The following PPM1D variants were observed in gnomAD, a reference collection of about 807,000 sequenced individuals.
The protein encoded by PPM1D is protein phosphatase, Mg2+/Mn2+ dependent 1D.
A neutral mutation model predicts 58.3 loss-of-function variants in PPM1D; 52 were observed. The ratio of observed to expected loss-of-function variants is 0.89; its 90% CI spans 0.71 to 1.12. PPM1D has a LOEUF of 1.12. Ranked by LOEUF, PPM1D falls within the 50% of genes most tolerant of loss-of-function variation. The probability of loss-of-function intolerance (pLI) is 0.00; values close to 1 mark genes in which losing one functional copy is unlikely to be tolerated. For missense variants in PPM1D, 564 were observed against 777.2 expected, an observed-to-expected ratio of 0.73 and a Z score of 3.26; for synonymous variants, 278 against 285.1, an observed-to-expected ratio of 0.98 and a Z score of 0.25.
At chr17:60,658,838 T>G (rs910495849) in intron 5 of PPM1D, among the ~76,000 whole-genome samples, 3 of 152,082 alleles carry the variant, frequency 2.0e-5, no homozygotes, top group Admixed American at 6.6e-5. Flanking sequence ...GGCTCGTGCC[T>G]GTAATCCCAG....
chr17:60,647,003 T>G (rs185498676), intron 3 of PPM1D, among the ~76,000 whole-genome samples: 120 of 152,346 alleles, frequency 7.9e-4, no homozygotes, highest in African/African-American at 2.5e-3. Context: ...AACAGGAAGT[T>G]TGCAAACAGC....
At position 60,665,196 on chromosome 17, in the gene PPM1D, C is replaced by T. The variant is rs1210170510; in HGVS notation, c.*1644C>T. On this transcript the variant is annotated 3_prime_UTR_variant, in exon 6 of 6. Coordinates refer to ENST00000305921, the MANE Select transcript of PPM1D (RefSeq NM_003620.4). ...ATGTCAGTCATGCTGGTCTTGATCTCCTGACCTCGTGATCCACCCGCCTCG... is the reference window on the plus strand; with the variant it reads ...ATGTCAGTCATGCTGGTCTTGATCTTCTGACCTCGTGATCCACCCGCCTCG... The T allele has an allele frequency of 6.6e-6, 1 of 151,996 alleles. No individual in the cohort carries two copies. The highest frequency in any genetic ancestry group is 1.5e-5 in the Non-Finnish European group (1 of 68,016). The allele number at this position is 151,996 out of a possible 1,614,324, so 9.4% of individuals were successfully genotyped here.
At chr17:60,643,050 CAAAAGA>C (rs1320102730) in intron 3 of PPM1D, among the ~76,000 whole-genome samples, 9 of 98,534 alleles carry the variant, frequency 9.1e-5, no homozygotes, top group African/African-American at 4.0e-4. Context: ...GACTCCGTCT[CAAAAGA>C]AAAAAAAAAA....
chr17:60,610,560 G>T (rs2030434368), intron 1 of PPM1D, among the ~76,000 whole-genome samples: 1 of 152,128 alleles, frequency 6.6e-6, no homozygotes, highest in Admixed American at 6.5e-5. Context: ...GAGAGCCCAG[G>T]TTTGGCAAAG....
In PPM1D at chr17:60,648,078, T is replaced by C; in HGVS notation, c.1013T>C (p.Leu338Pro). The change falls in exon 4 of 6, where the codon CTG (leucine) becomes CCG (proline). Residue 338 changes from leucine to proline, a missense_variant. By Grantham distance (98) the Leu-to-Pro change is moderately conservative. Around this residue, in one of 7 missense-constraint regions of PPM1D, gnomAD observed 34 missense variants for 34.3 expected, o/e 0.99. Coordinates refer to ENST00000305921, the MANE Select transcript of PPM1D (RefSeq NM_003620.4). ...MCQDQEEKKY[L>P]MGEHGQSCAK... is the part of the protein sequence containing the mutation. ...CAGGACCAAGAGGAGAAAAAATACC[T>C]GATGGTGAGATGTGATTGAATAACT... 1 of 1,606,548 alleles carries C rather than the reference T, an allele frequency of 6.2e-7. No homozygotes were observed. The highest frequency in any genetic ancestry group is 1.1e-5 in the South Asian group (1 of 89,666).
rs1296018768 is a variant in PPM1D, at chr17:60,663,160, G to T, written c.1426G>T (p.Glu476Ter). 2 of 1,614,066 alleles carry T rather than the reference G, an allele frequency of 1.2e-6. No homozygotes were observed. The highest frequency in any genetic ancestry group is 8.5e-7 in the Non-Finnish European group (1 of 1,180,018). ...IPSKDPEPLE[E>*]NCAKALTLRI... ...CTCAAAAGATCCAGAACCACTTGAAGAAAATTGCGCTAAAGCCCTGACTTT... is the reference window on the plus strand; with the variant it reads ...CTCAAAAGATCCAGAACCACTTGAATAAAATTGCGCTAAAGCCCTGACTTT... Residue 476 changes from glutamate (E) to a stop codon, truncating the protein, a stop_gained, in exon 6 of 6, where the codon GAA becomes TAA. Transcript: ENST00000305921. LOFTEE classifies it high-confidence loss of function.
At chr17:60,645,744 A>G (rs1450886920) in intron 3 of PPM1D, among the ~76,000 whole-genome samples, 2 of 150,500 alleles carry the variant, frequency 1.3e-5, no homozygotes, top group Middle Eastern at 3.5e-3. Flanking sequence ...AATAGTCCTT[A>G]CAGGGAAAAC....
intron 1 of PPM1D, among the ~76,000 whole-genome samples, chr17:60,621,983 C>T (rs987800522): frequency 3.3e-5 from 5 of 150,162 alleles, no homozygotes; most frequent in South Asian, 2.1e-4. Flanking sequence ...GTCAGGAGAT[C>T]GAGACCATCC....
intron 1 of PPM1D, among the ~76,000 whole-genome samples, chr17:60,610,047 G>C (rs923599352): frequency 6.6e-6 from 1 of 152,042 alleles, no homozygotes; most frequent in African/African-American, 2.4e-5. Context: ...GGGCATGGTG[G>C]TGCGCACCTG....
intron 1 of PPM1D, among the ~76,000 whole-genome samples, chr17:60,610,085 CA>C (rs1398679349): frequency 2.7e-5 from 4 of 149,236 alleles, no homozygotes; most frequent in African/African-American, 7.5e-5. Context: ...GCGGCTGAGG[CA>C]GGGGAATTGC....
chr17:60,600,271 C>G lies in PPM1D; in HGVS notation c.-144C>G, dbSNP rs937097037. ...CTCGCGGACAAGTCCAGACATCGCG[C>G]GCCCCCCCTTCTCCGGGTCCGCCCC... On this transcript the variant is annotated 5_prime_UTR_variant, in exon 1 of 6. Coordinates refer to ENST00000305921, the MANE Select transcript of PPM1D (RefSeq NM_003620.4). 3 of 1,410,616 alleles carry G rather than the reference C, an allele frequency of 2.1e-6. No individual in the cohort carries two copies. Among genetic ancestry groups the G allele is most frequent in the Non-Finnish European group, 2.8e-6 (3 of 1,077,082 alleles). The allele number at this position is 1,410,616 out of a possible 1,614,324, so 87.4% of individuals were successfully genotyped here.
chr17:60,651,337 A>G (rs183184994), intron 4 of PPM1D, among the ~76,000 whole-genome samples: 2 of 151,988 alleles, frequency 1.3e-5, no homozygotes, highest in Admixed American at 6.6e-5. Context: ...TTTTCTTTTA[A>G]TATCTCTGAA....
At chr17:60,648,682 A>ATTTTTTGT (rs2031291749) in intron 4 of PPM1D, among the ~76,000 whole-genome samples, 1 of 150,036 alleles carries the variant, frequency 6.7e-6, no homozygotes, top group African/African-American at 2.5e-5. Flanking sequence ...GCCCGGCCAA[A>ATTTTTTGT]ATTTATCCTT....
chr17:60,641,062 A>C (rs1243671739), intron 3 of PPM1D, among the ~76,000 whole-genome samples: 1 of 152,144 alleles, frequency 6.6e-6, no homozygotes, highest in East Asian at 1.9e-4. Flanking sequence ...TGCAATGAAC[A>C]TTTGAGTGCA....
chr17:60,654,643 C>A (rs946868819), intron 4 of PPM1D, among the ~76,000 whole-genome samples: 24 of 151,670 alleles, frequency 1.6e-4, no homozygotes, highest in African/African-American at 5.1e-4. Flanking sequence ...AGGCAGATCA[C>A]CTAAGATTAG....
chr17:60,640,933 A>ATT (rs796104862), intron 3 of PPM1D, among the ~76,000 whole-genome samples: 1 of 144,816 alleles, frequency 6.9e-6, no homozygotes, highest in African/African-American at 2.5e-5. Flanking sequence ...ACATAATTTC[A>ATT]TTTTTTTTTT....
In PPM1D at chr17:60,657,389, A is replaced by T. The variant is rs73990933; in HGVS notation, c.1260+548A>T. 2.0e-4 allele frequency among the ~76,000 whole-genome samples: 31 copies of T among 152,344 alleles called. No individual in the cohort carries two copies. The East Asian group carries it at 6.0e-3, about 29-fold the overall frequency. On this transcript the variant is annotated intron_variant, in intron 5 of 5. Transcript: ENST00000305921. ...AATAAGCAAATTTTAAGTAGATATC[A>T]TACTTTTTTGATTTACTAAGAACTC...
intron 4 of PPM1D, among the ~76,000 whole-genome samples, chr17:60,650,746 G>A (rs539976941): frequency 1.3e-5 from 2 of 152,272 alleles, no homozygotes; most frequent in African/African-American, 4.8e-5. Flanking sequence ...GGCATGTTGA[G>A]TTGAGGTACC....
chr17:60,657,094 A>T (rs756492786), intron 5 of PPM1D: 1 of 1,344,222 alleles, frequency 7.4e-7, no homozygotes, highest in Admixed American at 3.2e-5. Flanking sequence ...TGCTATGAAC[A>T]TTATTTTTAA....
Sources: allele counts gnomAD v4.1 joint callset (sites outside exome capture counted in the v4.1 genomes callset), GRCh38; gene constraint gnomAD v4.1.1; regional missense constraint gnomAD v4.1.1; transcripts MANE v1.5; gene names NCBI Gene and HGNC (gene_info 2026-07-23, HGNC 2026-07-21).